Variants in EPHB1 observed in about 807,000 individuals in gnomAD.
The protein encoded by EPHB1 is ephrin type-B receptor 1.
Under a neutral mutation model 94.4 loss-of-function variants are expected in EPHB1, and 30 were observed. The observed-to-expected ratio is 0.32, with a 90% confidence interval of 0.24 to 0.43. The LOEUF (loss-of-function observed/expected upper bound fraction) is 0.43. Ranked by LOEUF, EPHB1 falls within the 20% of genes least tolerant of loss-of-function variation. The pLI, the probability that EPHB1 is intolerant of heterozygous loss-of-function variation, is 1.00. For synonymous variants in EPHB1, 522 were observed against 489.1 expected (o/e 1.07, Z -0.89); for missense variants, 1,055 against 1,308.3 (o/e 0.81, Z 2.99).
At chr3:135,038,607 C>T (rs1233411525) in intron 3 of EPHB1, among the ~76,000 whole-genome samples, 2 of 152,118 alleles carry the variant, frequency 1.3e-5, no homozygotes, top group Non-Finnish European at 2.9e-5. Context: ...CGGACCCTCG[C>T]GGTGAGTGTT....
At chr3:134,949,402 G>A (rs1351965731) in intron 2 of EPHB1, among the ~76,000 whole-genome samples, 1 of 144,888 alleles carries the variant, frequency 6.9e-6, no homozygotes, top group Non-Finnish European at 1.5e-5. Context: ...AGCTCTCAAT[G>A]TGCCCATTTC....
chr3:135,119,731 C>T (rs1317143287), intron 4 of EPHB1, among the ~76,000 whole-genome samples: 1 of 152,176 alleles, frequency 6.6e-6, no homozygotes, highest in Non-Finnish European at 1.5e-5. Flanking sequence ...TAGTTACAGG[C>T]GTGAGCCACC....
At chr3:135,226,837 GA>G (rs918109527) in intron 12 of EPHB1, among the ~76,000 whole-genome samples, 21 of 149,918 alleles carry the variant, frequency 1.4e-4, no homozygotes, top group African/African-American at 4.2e-4. Context: ...AGTCATTAAG[GA>G]AAAAAAAAAA....
In EPHB1 at chr3:135,259,061, C is replaced by T; in HGVS notation, c.2896C>T (p.Leu966=). The T allele has an allele frequency of 6.2e-7, 1 of 1,610,924 alleles. No individual in the cohort carries two copies. Among genetic ancestry groups the T allele is most frequent in the Non-Finnish European group, 8.5e-7 (1 of 1,178,760 alleles). The change falls in exon 16 of 16, where the codon CTG becomes TTG. Residue 966 remains leucine, a synonymous_variant. Coordinates refer to ENST00000398015, the MANE Select transcript of EPHB1 (RefSeq NM_004441.5). ...ITLAGHQKKI[L]NSIHSMRVQI... The stretch of plus-strand genomic sequence containing the variant: ...CTTGGCAGGCCATCAGAAGAAGATC[C>T]TGAACAGCATTCATTCTATGAGGGT...
At chr3:135,166,891 A>G in intron 8 of EPHB1, 51 bp from the exon 9 acceptor site, 6 of 1,604,812 alleles carry the variant, frequency 3.7e-6, no homozygotes, top group Admixed American at 1.7e-5. Flanking sequence ...TACCTGGAAC[A>G]GACTGGTGGG....
At chr3:135,193,168 G>A (rs1268043246) in intron 11 of EPHB1, among the ~76,000 whole-genome samples, 1 of 152,114 alleles carries the variant, frequency 6.6e-6, no homozygotes, top group Non-Finnish European at 1.5e-5. Flanking sequence ...AGACATCCGC[G>A]GCCATCTCTG....
At chr3:135,080,028 G>A (rs1938107804) in intron 3 of EPHB1, among the ~76,000 whole-genome samples, 1 of 152,176 alleles carries the variant, frequency 6.6e-6, no homozygotes. Flanking sequence ...CAGAGATCCT[G>A]TTTGTTTGAG....
chr3:134,827,751 C>T (rs1290459188), intron 1 of EPHB1, among the ~76,000 whole-genome samples: 2 of 152,148 alleles, frequency 1.3e-5, no homozygotes, highest in Non-Finnish European at 2.9e-5. Context: ...ACTTTAAAGG[C>T]AGAGACTGAG....
intron 3 of EPHB1, among the ~76,000 whole-genome samples, chr3:135,092,974 C>T (rs1355214418): frequency 6.6e-6 from 1 of 152,154 alleles, no homozygotes; most frequent in Admixed American, 6.5e-5. Flanking sequence ...CTGCTTGCTG[C>T]CTCTGCATTG....
intron 5 of EPHB1, 75 bp from the exon 6 acceptor site, chr3:135,154,077 C>A: frequency 6.3e-7 from 1 of 1,589,432 alleles, no homozygotes; most frequent in Non-Finnish European, 8.6e-7. Context: ...TTTCTCCCTA[C>A]GTACCTCTGG....
At chr3:135,211,388 T>C (rs187441566) in intron 12 of EPHB1, among the ~76,000 whole-genome samples, 5 of 152,374 alleles carry the variant, frequency 3.3e-5, no homozygotes, top group African/African-American at 4.8e-5. Flanking sequence ...TTTCTCTTGT[T>C]CTTCCTTTAT....
At chr3:135,246,178 AC>A (rs1250700237) in intron 13 of EPHB1, among the ~76,000 whole-genome samples, 1 of 151,878 alleles carries the variant, frequency 6.6e-6, no homozygotes, top group Non-Finnish European at 1.5e-5. Context: ...GACTTTGGGG[AC>A]CCCTGGCATC....
intron 1 of EPHB1, among the ~76,000 whole-genome samples, chr3:134,888,581 G>T (rs780274716): frequency 3.9e-5 from 6 of 152,022 alleles, no homozygotes; most frequent in Non-Finnish European, 8.8e-5. Context: ...GGTGGCATGT[G>T]CCTGTAAGCC....
chr3:135,246,875 G>A (rs1358320603), intron 13 of EPHB1, among the ~76,000 whole-genome samples: 1 of 152,048 alleles, frequency 6.6e-6, no homozygotes, highest in Non-Finnish European at 1.5e-5. Context: ...CAATGACTTG[G>A]TTATCATTTT....
At chr3:135,020,131 GGTGTGTCAGT>G (rs1935938481) in intron 3 of EPHB1, among the ~76,000 whole-genome samples, 1 of 152,084 alleles carries the variant, frequency 6.6e-6, no homozygotes, top group South Asian at 2.1e-4. Flanking sequence ...GCTTTCCAAT[GGTGTGTCAGT>G]GTTTTACTTA....
At chr3:135,238,075 G>T (rs1454076435) in intron 12 of EPHB1, among the ~76,000 whole-genome samples, 5 of 152,296 alleles carry the variant, frequency 3.3e-5, no homozygotes, top group African/African-American at 1.2e-4. Flanking sequence ...AATTGATATT[G>T]ATATTGATTA....
chr3:135,029,696 T>C (rs538248676), intron 3 of EPHB1, among the ~76,000 whole-genome samples: 39 of 151,234 alleles, frequency 2.6e-4, no homozygotes, highest in African/African-American at 8.9e-4. Flanking sequence ...CTGACACTTA[T>C]GTGTCTTGGA....
chr3:134,959,471 C>T (rs781282539), intron 3 of EPHB1, among the ~76,000 whole-genome samples: 4 of 152,170 alleles, frequency 2.6e-5, no homozygotes, highest in East Asian at 3.9e-4. Context: ...TCAGGAATAT[C>T]GAACTTCTGT....
intron 1 of EPHB1, among the ~76,000 whole-genome samples, chr3:134,915,997 G>A (rs754857438): frequency 8.5e-5 from 13 of 152,224 alleles, no homozygotes; most frequent in South Asian, 2.1e-4. Context: ...CCATTTTACC[G>A]AGAGCAGATT....
Sources: gnomAD v4.1 joint callset for allele counts (sites outside exome capture counted in the v4.1 genomes callset) on GRCh38, gnomAD v4.1.1 for gene constraint, MANE v1.5 for transcripts, NCBI Gene and HGNC (gene_info 2026-07-23, HGNC 2026-07-21) for gene names.